CERT1: variants seen among roughly 807,000 people sequenced by gnomAD.
CERT1 encodes the protein ceramide transfer protein.
A neutral mutation model predicts 87.9 loss-of-function variants in CERT1; 31 were observed. That is an observed-to-expected ratio of 0.35 (90% CI 0.27 to 0.48). The LOEUF (loss-of-function observed/expected upper bound fraction) is 0.48. CERT1 is among the 20% of genes least tolerant of loss of function. The probability of loss-of-function intolerance (pLI) is 0.99; values close to 1 mark genes in which losing one functional copy is unlikely to be tolerated. For synonymous variants in CERT1, 289 were observed against 250.9 expected (o/e 1.15, Z -1.44); for missense variants, 487 against 758.0 (o/e 0.64, Z 4.20).
intron 3 of CERT1, among the ~76,000 whole-genome samples, chr5:75,427,214 CAAAG>C (rs2112191125): frequency 6.6e-6 from 1 of 152,270 alleles, no homozygotes; most frequent in East Asian, 1.9e-4. Context: ...ACAATATAGA[CAAAG>C]AAATTAAAAC....
At chr5:75,412,773 C>A (rs1319857617) in intron 7 of CERT1, among the ~76,000 whole-genome samples, 3 of 152,110 alleles carry the variant, frequency 2.0e-5, no homozygotes, top group African/African-American at 7.2e-5. Context: ...ATGAATGGAG[C>A]TTGCAGGATT....
At chr5:75,381,803 C>T (rs1761598384) in intron 15 of CERT1, 146 bp downstream of exon 15, 1 of 749,276 alleles carries the variant, frequency 1.3e-6, no homozygotes, top group Non-Finnish European at 2.2e-6. Flanking sequence ...ATGGGCTATA[C>T]TGTTCCTAGC....
chr5:75,379,322 C>T lies in CERT1; in HGVS notation c.*24G>A, dbSNP rs1280617693. 3.2e-6 allele frequency: 5 copies of T among 1,572,182 alleles called. No homozygotes were observed. Among genetic ancestry groups the T allele is most frequent in the African/African-American group, 1.4e-5 (1 of 72,668 alleles). ...CAAATAAAGTTAAAAAAAGATAAAA[C>T]ATATCTTCTAGTACCTGTTAATACT... On this transcript the variant is annotated 3_prime_UTR_variant, in exon 17 of 17. Transcript: ENST00000643780.
chr5:75,405,872 T>G (rs1762685934), intron 8 of CERT1, among the ~76,000 whole-genome samples: 8 of 120,728 alleles, frequency 6.6e-5, no homozygotes, highest in South Asian at 3.0e-4. Context: ...CTGCAGTTAC[T>G]GGGGGGGGGG....
chr5:75,444,853 T>A (rs549172307), intron 3 of CERT1, among the ~76,000 whole-genome samples: 7 of 152,320 alleles, frequency 4.6e-5, no homozygotes, highest in Non-Finnish European at 7.3e-5. Context: ...CCTAGTTGAT[T>A]TTTCATAGTG....
intron 3 of CERT1, among the ~76,000 whole-genome samples, chr5:75,439,764 T>C (rs1405670225): frequency 6.6e-6 from 1 of 152,064 alleles, no homozygotes; most frequent in Non-Finnish European, 1.5e-5. Flanking sequence ...AAGACAGCAA[T>C]TTAATCAATA....
chr5:75,431,636 C>T (rs186684997), intron 3 of CERT1, among the ~76,000 whole-genome samples: 92 of 152,216 alleles, frequency 6.0e-4, no homozygotes, highest in South Asian at 2.1e-4. Context: ...CTCATTATTT[C>T]GCTCTCACTT....
At chr5:75,481,086 T>C (rs1766221575) in intron 2 of CERT1, among the ~76,000 whole-genome samples, 1 of 152,162 alleles carries the variant, frequency 6.6e-6, no homozygotes, top group Non-Finnish European at 1.5e-5. Flanking sequence ...AAAGTCAAAG[T>C]CCTTATGGAT....
intron 2 of CERT1, among the ~76,000 whole-genome samples, chr5:75,471,894 T>C (rs1253616260): frequency 6.6e-6 from 1 of 151,504 alleles, no homozygotes; most frequent in African/African-American, 2.4e-5. Flanking sequence ...AAGATACCAA[T>C]GACATTTTTC....
chr5:75,457,887 T>C (rs1035624123), intron 3 of CERT1, among the ~76,000 whole-genome samples: 3 of 150,570 alleles, frequency 2.0e-5, no homozygotes, highest in Non-Finnish European at 3.0e-5. Flanking sequence ...TGGTTTTTCT[T>C]GGGTGTATGG....
chr5:75,474,720 T>G (rs1765880549), intron 2 of CERT1, among the ~76,000 whole-genome samples: 1 of 152,128 alleles, frequency 6.6e-6, no homozygotes, highest in Non-Finnish European at 1.5e-5. Context: ...CTTCTCACCA[T>G]ATGCAAAATT....
chr5:75,395,418 C>T (rs918121980), intron 11 of CERT1, among the ~76,000 whole-genome samples: 1 of 151,988 alleles, frequency 6.6e-6, no homozygotes, highest in Non-Finnish European at 1.5e-5. Context: ...GGTGGAATGC[C>T]TGTAGTCCCA....
chr5:75,501,050 A>G (rs1338796894), intron 2 of CERT1, among the ~76,000 whole-genome samples: 2 of 149,970 alleles, frequency 1.3e-5, no homozygotes, highest in African/African-American at 4.9e-5. Context: ...GGGCAATGGC[A>G]TCACCTTGGC....
At chr5:75,461,878 T>A (rs111264211) in intron 2 of CERT1, among the ~76,000 whole-genome samples, 11 of 151,146 alleles carry the variant, frequency 7.3e-5, no homozygotes, top group South Asian at 4.2e-4. Flanking sequence ...AATGACAGAT[T>A]TGGTTAAGAG....
chr5:75,505,155 C>A (rs570075849), intron 2 of CERT1: 1 of 152,168 alleles, frequency 6.6e-6, no homozygotes, highest in South Asian at 2.1e-4. Flanking sequence ...GGCGTGATGG[C>A]ACGTGGCTAT....
In CERT1 at chr5:75,384,667, G is replaced by C; in HGVS notation, c.1463C>G (p.Ala488Gly). 1 of 1,605,598 alleles carries C rather than the reference G, an allele frequency of 6.2e-7. No individual in the cohort carries two copies. Among genetic ancestry groups the C allele is most frequent in the East Asian group, 2.2e-5 (1 of 44,712 alleles). ...CTTGTGTGTTTGATAAATGATGATT[G>C]CATTATCAGCTAATGTTTCCACCAC... ...FHVVETLADN[A>G]IIIYQTHKRV... Residue 488 changes from alanine to glycine, a missense_variant, in exon 14 of 17, where the codon GCA becomes GGA. This residue lies in a region of CERT1 where 147 missense variants were observed against 200.8 expected (regional missense o/e 0.73). Transcript: ENST00000643780.
intron 3 of CERT1, among the ~76,000 whole-genome samples, chr5:75,426,961 C>T (rs1363067055): frequency 6.6e-6 from 1 of 152,330 alleles, no homozygotes; most frequent in Non-Finnish European, 1.5e-5. Flanking sequence ...ATTCTTAACA[C>T]ATCACAATTA....
intron 1 of CERT1, among the ~76,000 whole-genome samples, chr5:75,508,273 T>C (rs1460784114): frequency 1.3e-5 from 2 of 150,698 alleles, no homozygotes; most frequent in African/African-American, 4.9e-5. Context: ...CAAATTCTCT[T>C]AGAGTTAAGT....
At chr5:75,480,730 T>C (rs1165188076) in intron 2 of CERT1, among the ~76,000 whole-genome samples, 1 of 152,202 alleles carries the variant, frequency 6.6e-6, no homozygotes, top group African/African-American at 2.4e-5. Flanking sequence ...CTGTAAATGG[T>C]AACAATACAG....
Sources: allele counts gnomAD v4.1 joint callset (sites outside exome capture counted in the v4.1 genomes callset), GRCh38; gene constraint gnomAD v4.1.1; regional missense constraint gnomAD v4.1.1; transcripts MANE v1.5; gene names NCBI Gene and HGNC (gene_info 2026-07-23, HGNC 2026-07-21).